The following CCNY variants were observed in gnomAD, a reference collection of about 807,000 sequenced individuals.
CCNY encodes the protein cyclin-Y.
CCNY carries 19 observed loss-of-function variants against 42.8 expected under a neutral mutation model. That is an observed-to-expected ratio of 0.44 (90% CI 0.31 to 0.65). The LOEUF is 0.65. CCNY is among the 30% of genes least tolerant of loss of function. CCNY has a pLI of 0.07. For synonymous variants in CCNY, 165 were observed against 162.7 expected, an observed-to-expected ratio of 1.01 and a Z score of -0.11; for missense variants, 370 against 437.3, an observed-to-expected ratio of 0.85 and a Z score of 1.37.
At chr10:35,364,609 C>A (rs1460783296) in intron 1 of CCNY, among the ~76,000 whole-genome samples, 2 of 152,038 alleles carry the variant, frequency 1.3e-5, no homozygotes, top group African/African-American at 2.4e-5. Context: ...AGTTTTGAAG[C>A]CTTCTGTGAA....
rs149866796 is a variant in CCNY at position 35,387,289 on chromosome 10, A to G, written c.154+50082A>G. Among the ~76,000 whole-genome samples the G allele has an allele frequency of 1.8e-3, 281 of 152,296 alleles. 1 individual carries two copies. Among genetic ancestry groups the G allele is most frequent in the Admixed American group, 3.9e-3 (60 of 15,300 alleles). On this transcript the variant is annotated intron_variant, in intron 1 of 9. Transcript: ENST00000374704. Reference sequence around the variant, plus strand: ...CCTCAGGATGCTGAGTTCCTTCCCCATGTAGCTTGCTGAGGGGTTGCGGGA... The same window carrying G: ...CCTCAGGATGCTGAGTTCCTTCCCCGTGTAGCTTGCTGAGGGGTTGCGGGA...
intron 1 of CCNY, among the ~76,000 whole-genome samples, chr10:35,358,877 A>C (rs1836619463): frequency 6.6e-6 from 1 of 152,182 alleles, no homozygotes; most frequent in African/African-American, 2.4e-5. Context: ...GGCCAGGTGA[A>C]GGGATGCCCA....
Position 35,360,919 on chromosome 10 carries a change from G to A in CCNY, c.154+23712G>A, listed in dbSNP as rs137915743. ...CCTGTCGCCCAGGCTGGAGTGCAAC[G>A]GCACGATCTCAGCTCACTGCAGCCT... On this transcript the variant is annotated intron_variant, in intron 1 of 9. Coordinates refer to ENST00000374704, the MANE Select transcript of CCNY (RefSeq NM_145012.6). Among the ~76,000 whole-genome samples, 901 of 152,168 alleles carry A rather than the reference G, an allele frequency of 5.9e-3. 13 individuals are homozygous for A. The highest frequency in any genetic ancestry group is 0.021 in the African/African-American group (857 of 41,522).
intron 1 of CCNY, among the ~76,000 whole-genome samples, chr10:35,378,032 T>G (rs905852188): frequency 3.3e-5 from 5 of 152,200 alleles, no homozygotes; most frequent in Admixed American, 2.6e-4. Flanking sequence ...TGACACTACC[T>G]CAAAATGTGA....
intron 3 of CCNY, among the ~76,000 whole-genome samples, chr10:35,271,264 C>G (rs1310840886): frequency 6.6e-6 from 1 of 152,158 alleles, no homozygotes; most frequent in Non-Finnish European, 1.5e-5. Context: ...AAACAAAAAT[C>G]TCCCCAGGAA....
At chr10:35,511,420 G>A (rs1426348065) in intron 3 of CCNY, among the ~76,000 whole-genome samples, 1 of 152,208 alleles carries the variant, frequency 6.6e-6, no homozygotes, top group East Asian at 1.9e-4. Context: ...CTGGTGGTAG[G>A]AAGGCATCTA....
At chr10:35,289,032 T>C (rs1835383835) in intron 3 of CCNY, among the ~76,000 whole-genome samples, 1 of 152,214 alleles carries the variant, frequency 6.6e-6, no homozygotes, top group South Asian at 2.1e-4. Flanking sequence ...ATTGATATTA[T>C]GTCTTCTAGT....
At chr10:35,274,551 G>A in intron 3 of CCNY, among the ~76,000 whole-genome samples, 1 of 152,124 alleles carries the variant, frequency 6.6e-6, no homozygotes, top group East Asian at 1.9e-4. Flanking sequence ...TTTTATCAAG[G>A]CCTCCAATGA....
intron 1 of CCNY, among the ~76,000 whole-genome samples, chr10:35,442,941 T>C (rs1162748855): frequency 6.6e-6 from 1 of 152,242 alleles, no homozygotes; most frequent in Non-Finnish European, 1.5e-5. Flanking sequence ...CTGTTGCTCC[T>C]AGGCTACAAA....
chr10:35,251,199 C>G (rs1419034804), intron 3 of CCNY: 1 of 151,978 alleles, frequency 6.6e-6, no homozygotes, highest in Non-Finnish European at 1.5e-5. Context: ...GAGTTTGAGA[C>G]CAGCCCAGGC....
At chr10:35,345,522 C>G (rs1040917457) in intron 1 of CCNY, among the ~76,000 whole-genome samples, 2 of 150,960 alleles carry the variant, frequency 1.3e-5, no homozygotes, top group African/African-American at 4.9e-5. Flanking sequence ...CTATGAGGAT[C>G]CAAATGAGGC....
chr10:35,394,939 T>C, intron 1 of CCNY: 1 of 691,744 alleles, frequency 1.4e-6, no homozygotes, highest in Non-Finnish European at 1.8e-6. Context: ...GGGCTTCTCT[T>C]TGGAAACTTC....
intron 3 of CCNY, among the ~76,000 whole-genome samples, chr10:35,508,161 G>A (rs1840253187): frequency 6.6e-6 from 1 of 152,278 alleles, no homozygotes; most frequent in Middle Eastern, 3.4e-3. Flanking sequence ...CAAAATGGTG[G>A]TTTTCCAGCC....
rs569305265 is a variant in CCNY, at chr10:35,313,056, T to G, written c.-9+62430T>G. 2.0e-4 allele frequency among the ~76,000 whole-genome samples: 30 copies of G among 152,260 alleles called. No homozygotes were observed. In the South Asian group the frequency reaches 6.0e-3, roughly 30 times the overall value. ...GCTGTCTCTTTGCTTCCAACTTGCATACAACACCCTAGGGCCAGTTCCTTC... is the reference window on the plus strand; with the variant it reads ...GCTGTCTCTTTGCTTCCAACTTGCAGACAACACCCTAGGGCCAGTTCCTTC... On this transcript the variant is annotated intron_variant, in intron 3 of 11. Transcript: ENST00000374706.
At chr10:35,482,339 C>T (rs1458509997) in intron 1 of CCNY, among the ~76,000 whole-genome samples, 1 of 152,222 alleles carries the variant, frequency 6.6e-6, no homozygotes, top group African/African-American at 2.4e-5. Context: ...TATTCTGACT[C>T]TCTAAGTTGG....
At chr10:35,306,371 G>A (rs1835606659) in intron 3 of CCNY, among the ~76,000 whole-genome samples, 1 of 152,228 alleles carries the variant, frequency 6.6e-6, no homozygotes, top group African/African-American at 2.4e-5. Context: ...CAGCATGGAA[G>A]TTGGCGCCAG....
chr10:35,413,166 G>GC (rs1837950724), intron 1 of CCNY, among the ~76,000 whole-genome samples: 1 of 152,156 alleles, frequency 6.6e-6, no homozygotes, highest in Non-Finnish European at 1.5e-5. Context: ...ATTAGAAGAA[G>GC]CCAAGACTAG....
At chr10:35,522,753 A>G (rs1323854570) in intron 4 of CCNY, among the ~76,000 whole-genome samples, 2 of 152,240 alleles carry the variant, frequency 1.3e-5, no homozygotes, top group East Asian at 1.9e-4. Context: ...CTGGCCACAC[A>G]TGCTGCGGTC....
chr10:35,510,480 G>A (rs1459898440), intron 3 of CCNY, among the ~76,000 whole-genome samples: 1 of 152,188 alleles, frequency 6.6e-6, no homozygotes, highest in Non-Finnish European at 1.5e-5. Context: ...GCTTCCCAAA[G>A]TGCTGGAATT....
Sources: allele counts gnomAD v4.1 joint callset (sites outside exome capture counted in the v4.1 genomes callset), GRCh38; gene constraint gnomAD v4.1.1; transcripts MANE v1.5; gene names NCBI Gene and HGNC (gene_info 2026-07-23, HGNC 2026-07-21).